CHD5: variants seen among roughly 807,000 people sequenced by gnomAD.
The protein encoded by CHD5 is ATP-dependent chromatin remodeler CHD5.
CHD5 carries 69 observed loss-of-function variants against 230.3 expected under a neutral mutation model. That is an observed-to-expected ratio of 0.30 (90% confidence interval 0.25 to 0.37). The LOEUF (loss-of-function observed/expected upper bound fraction) is 0.37, where lower values mean the gene tolerates loss of function less well. Among genes scored for constraint, CHD5 ranks in the 10% least tolerant of loss-of-function variants. The pLI, the probability that CHD5 is intolerant of heterozygous loss-of-function variation, is 1.00. For synonymous variants in CHD5, 1,064 were observed against 1,065.9 expected, an observed-to-expected ratio of 1.00 and a Z score of 0.03; for missense variants, 1,827 against 2,622.8, an observed-to-expected ratio of 0.70 and a Z score of 6.63.
chr1:6,148,944 G>A lies in CHD5; in HGVS notation c.1293C>T (p.Cys431=), dbSNP rs760210147. 3.8e-6 allele frequency: 6 copies of A among 1,595,902 alleles called. No homozygotes were observed. The highest frequency in any genetic ancestry group is 1.1e-5 in the South Asian group (1 of 88,800). ...VCKDGGELLC[C]DACPSSYHLH... ...GGTGGTAGGAGGAGGGGCAGGCGTC[G>A]CAGCAGAGCAGCTCGCCCCCGTCCT... The change falls in exon 9 of 42, where the codon TGC becomes TGT. Residue 431 remains cysteine (C), a synonymous_variant. Transcript: ENST00000262450.
At chr1:6,174,609 C>T (rs574020134) in intron 1 of CHD5, among the ~76,000 whole-genome samples, 124 of 111,248 alleles carry the variant, frequency 1.1e-3, no homozygotes, top group Non-Finnish European at 1.9e-3. Flanking sequence ...GGTGGATGGA[C>T]GAATGGATGG....
intron 1 of CHD5, among the ~76,000 whole-genome samples, chr1:6,170,186 C>T (rs753417080): frequency 2.0e-5 from 3 of 152,062 alleles, no homozygotes; most frequent in Non-Finnish European, 2.9e-5. Flanking sequence ...AAAAGGGCTT[C>T]GAGGCGACCC....
At position 6,125,315 on chromosome 1, in the gene CHD5, A is replaced by AT; in HGVS notation, c.4261-83dup. 1 of 1,395,634 alleles carries AT rather than the reference A, an allele frequency of 7.2e-7. No individual in the cohort carries two copies. The highest frequency in any genetic ancestry group is 9.7e-7 in the Non-Finnish European group (1 of 1,028,210). 86.5% of individuals were successfully genotyped at this position (1,395,634 alleles called of 1,614,324 possible). On this transcript the variant is annotated intron_variant, in intron 28 of 41. Coordinates refer to ENST00000262450, the MANE Select transcript of CHD5 (RefSeq NM_015557.3). This position sits in a 1 kb window ranked among gnomAD's most constrained non-coding sequence, Gnocchi z 6.7. ...GATTCTGGGATGGGGGAAGAAAAGCATGGGAGGAGGAGAAGGTAGGAAGGG... is the reference window on the plus strand; with the variant it reads ...GATTCTGGGATGGGGGAAGAAAAGCATTGGGAGGAGGAGAAGGTAGGAAGGG...
chr1:6,170,434 C>T (rs1265182834), intron 1 of CHD5, among the ~76,000 whole-genome samples: 2 of 152,190 alleles, frequency 1.3e-5, no homozygotes, highest in Admixed American at 6.5e-5. Flanking sequence ...TCGGGGGCAC[C>T]GGGGCTCTGG....
intron 2 of CHD5, among the ~76,000 whole-genome samples, chr1:6,160,165 AGCCCCAGCCAGGGAAGG>A (rs1667148355): frequency 1.0e-5 from 1 of 97,062 alleles, no homozygotes; most frequent in Admixed American, 8.9e-5. Context: ...GCAAGGGAAG[AGCCCCAGCCAGGGAAGG>A]GCCCCAGCCA....
At chr1:6,108,613 G>A (rs866461949) in intron 38 of CHD5, among the ~76,000 whole-genome samples, 1 of 147,406 alleles carries the variant, frequency 6.8e-6, no homozygotes, top group Non-Finnish European at 1.5e-5. Context: ...AGGGATGAAG[G>A]ATGACAGAGG....
At chr1:6,150,482 ACG>A (rs1384150355) in intron 7 of CHD5, among the ~76,000 whole-genome samples, 15 of 119,798 alleles carry the variant, frequency 1.3e-4, no homozygotes, top group African/African-American at 4.9e-4. Context: ...GGACGGACGG[ACG>A]GATGGACAAA....
At position 6,154,822 on chromosome 1, in the gene CHD5, A is replaced by G; in HGVS notation, c.583T>C (p.Phe195Leu). 6.2e-7 allele frequency: 1 copy of G among 1,613,518 alleles called. No individual in the cohort carries two copies. Among genetic ancestry groups the G allele is most frequent in the Non-Finnish European group, 8.5e-7 (1 of 1,179,904 alleles). Residue 195 changes from phenylalanine to leucine, a missense_variant, in exon 5 of 42, where the codon TTC (phenylalanine) becomes CTC (leucine). This residue lies in a region of CHD5 where 657 missense variants were observed against 816.4 expected (regional missense o/e 0.80). Transcript: ENST00000262450. The surrounding 1 kb of genome is among the most constrained non-coding windows in gnomAD (Gnocchi z 7.0). ...MTVLGAKWREFSANNPFKGSS... is the reference protein window; with the variant it reads ...MTVLGAKWRELSANNPFKGSS... ...CCCTTGAAGGGGTTGTTGGCGCTGA[A>G]CTCCCGCCACTTGGCACCCAGGACG...
chr1:6,152,959 G>T (rs543429611), intron 5 of CHD5, among the ~76,000 whole-genome samples: 7 of 152,328 alleles, frequency 4.6e-5, no homozygotes, highest in African/African-American at 1.7e-4. Context: ...TTTCCCACCT[G>T]CCAGCCAGGC....
rs1183906502 is a variant in CHD5, at chr1:6,155,664, G to A, written c.441C>T (p.Asp147=). The A allele has an allele frequency of 1.9e-6, 3 of 1,614,026 alleles. No homozygotes were observed. In the African/African-American group the frequency reaches 4.0e-5, roughly 22 times the overall value. Reference sequence around the variant, plus strand: ...GGTAATCCTCCTCCGAGAACAGGTAGTCCACGTCGTCCAGGCCCCACTCGG... The same window carrying A: ...GGTAATCCTCCTCCGAGAACAGGTAATCCACGTCGTCCAGGCCCCACTCGG... ...LMAEWGLDDV[D]YLFSEEDYHT... is the part of the protein sequence containing the mutation. The change falls in exon 4 of 42, where the codon GAC becomes GAT. Residue 147 remains aspartate, a synonymous_variant. Transcript: ENST00000262450. The surrounding 1 kb of genome is among the most constrained non-coding windows in gnomAD (Gnocchi z 4.0).
At chr1:6,119,581 G>T (rs1389850137) in intron 33 of CHD5, among the ~76,000 whole-genome samples, 1 of 152,070 alleles carries the variant, frequency 6.6e-6, no homozygotes, top group East Asian at 1.9e-4. Context: ...TAATCATAAT[G>T]AGAGATTTTA....
rs1667067078 is a variant in CHD5, at chr1:6,155,499, C to G, written c.506+100G>C. The stretch of plus-strand genomic sequence containing the variant: ...CTCAGTCGGTCTGACAGAGCCCACC[C>G]CTACCCCAGGTGCCGGGGCTTCACT... On this transcript the variant is annotated intron_variant, in intron 4 of 41. Coordinates refer to ENST00000262450, the MANE Select transcript of CHD5 (RefSeq NM_015557.3). This position sits in a 1 kb window ranked among gnomAD's most constrained non-coding sequence, Gnocchi z 4.0. 1.9e-6 allele frequency: 2 copies of G among 1,037,238 alleles called. No individual in the cohort carries two copies. The highest frequency in any genetic ancestry group is 4.8e-5 in the East Asian group (2 of 41,464). The allele number at this position is 1,037,238 out of a possible 1,614,324, so 64.3% of individuals were successfully genotyped here. A position where few individuals can be genotyped will look rare whatever the true frequency, so the allele number is the denominator to read the frequency against.
rs760159746 is a variant in CHD5, at chr1:6,131,659, G to C, written c.3234C>G (p.Leu1078=). The C allele has an allele frequency of 2.5e-6, 4 of 1,611,932 alleles. No individual in the cohort carries two copies. Among genetic ancestry groups the C allele is most frequent in the Non-Finnish European group, 3.4e-6 (4 of 1,178,064 alleles). The change falls in exon 21 of 42, where the codon CTC becomes CTG. Residue 1078 remains leucine (L), a synonymous_variant. Transcript: ENST00000262450. This position sits in a 1 kb window ranked among gnomAD's most constrained non-coding sequence, Gnocchi z 5.0. ...TGAATCTGTCGATTGCCTCCTGCCG[G>C]AGGCCCCCGGTGATGCCACCATCAA... ...ERIDGGITGG[L]RQEAIDRFNA... is the part of the protein sequence containing the mutation.
chr1:6,112,416 G>A (rs1666306955), intron 34 of CHD5, 139 bp from the exon 35 acceptor site: 7 of 1,094,836 alleles, frequency 6.4e-6, no homozygotes, highest in South Asian at 3.0e-5. Flanking sequence ...GCCCAGAAGG[G>A]TCTTAAACAA....
At position 6,125,752 on chromosome 1, in the gene CHD5, A is replaced by T; in HGVS notation, c.4171+14T>A. On this transcript the variant is annotated intron_variant, in intron 27 of 41. Coordinates refer to ENST00000262450, the MANE Select transcript of CHD5 (RefSeq NM_015557.3). The surrounding 1 kb of genome is among the most constrained non-coding windows in gnomAD (Gnocchi z 6.7). ...GCCTCAGCAGTAGCCCAGACCACTAACACTGAGACTCACTCTGCCCTTCCG... is the reference window on the plus strand; with the variant it reads ...GCCTCAGCAGTAGCCCAGACCACTATCACTGAGACTCACTCTGCCCTTCCG... 6.2e-7 allele frequency: 1 copy of T among 1,607,998 alleles called. No homozygotes were observed. The highest frequency in any genetic ancestry group is 8.5e-7 in the Non-Finnish European group (1 of 1,174,604).
intron 31 of CHD5, among the ~76,000 whole-genome samples, chr1:6,122,292 C>T (rs1666484332): frequency 6.6e-6 from 1 of 152,202 alleles, no homozygotes; most frequent in Admixed American, 6.5e-5. Context: ...ACCTAGATCA[C>T]CAAAGTGACA....
intron 29 of CHD5, 142 bp from the exon 30 acceptor site, chr1:6,124,803 G>A: frequency 8.8e-6 from 6 of 683,634 alleles, no homozygotes; most frequent in Non-Finnish European, 1.2e-5. Context: ...CCAGGCCCGG[G>A]AAAGGACAGA....
chr1:6,146,442 A>G lies in CHD5; in HGVS notation c.1591-19T>C. 1 of 1,607,596 alleles carries G rather than the reference A, an allele frequency of 6.2e-7. No individual in the cohort carries two copies. Among genetic ancestry groups the G allele is most frequent in the Non-Finnish European group, 8.5e-7 (1 of 1,175,566 alleles). On this transcript the variant is annotated intron_variant, in intron 10 of 41. Transcript: ENST00000262450. The surrounding 1 kb of genome is among the most constrained non-coding windows in gnomAD (Gnocchi z 5.1). ...GCTCCAGCTGCTCATGGAGCGGCAC[A>G]AAGTCACAGAAGGGAGATGGGCCAT...
In CHD5 at chr1:6,125,128, G is replaced by A; in HGVS notation, c.4366C>T (p.Leu1456Phe). 1 of 1,601,080 alleles carries A rather than the reference G, an allele frequency of 6.2e-7. No individual in the cohort carries two copies. The highest frequency in any genetic ancestry group is 8.5e-7 in the Non-Finnish European group (1 of 1,174,088). ...AACTCCTTCTCGCTCTTCCCTCGAA[G>A]GTCCCGCACCAGCCAGTGGGAGTTG... ...AFNSHWLVRD[L>F]RGKSEKEFRA... The change falls in exon 29 of 42, where the codon CTT becomes TTT. Residue 1456 changes from leucine to phenylalanine, a missense_variant. Coordinates refer to ENST00000262450, the MANE Select transcript of CHD5 (RefSeq NM_015557.3). This position sits in a 1 kb window ranked among gnomAD's most constrained non-coding sequence, Gnocchi z 6.7.
Sources: allele counts gnomAD v4.1 joint callset (sites outside exome capture counted in the v4.1 genomes callset), GRCh38; gene constraint gnomAD v4.1.1; regional missense constraint gnomAD v4.1.1; non-coding constraint Gnocchi (gnomAD v3.1); transcripts MANE v1.5; gene names NCBI Gene and HGNC (gene_info 2026-07-23, HGNC 2026-07-21).